The following XPA variants were observed in gnomAD, a reference collection of about 807,000 sequenced individuals.
The protein encoded by XPA is XPA, DNA damage recognition and repair factor, also known as DNA repair protein complementing XP-A cells.
A neutral mutation model predicts 35.7 loss-of-function variants in XPA; 27 were observed. That is an observed-to-expected ratio of 0.76 (90% CI 0.56 to 1.04). The LOEUF is 1.04. XPA is among the 50% of genes least tolerant of loss of function. The probability of loss-of-function intolerance (pLI) is 0.00; values close to 1 mark genes in which losing one functional copy is unlikely to be tolerated. For synonymous variants in XPA, 133 were observed against 118.4 expected, an observed-to-expected ratio of 1.12 and a Z score of -0.80; for missense variants, 354 against 342.7, an observed-to-expected ratio of 1.03 and a Z score of -0.26.
At chr9:97,667,936 G>A in the XPA span, among the ~76,000 whole-genome samples, 3 of 152,174 alleles carry the variant, frequency 2.0e-5, no homozygotes, top group Admixed American at 6.5e-5. Context: ...AAGGACAGTC[G>A]TGTACCCACG....
intron 5 of XPA, among the ~76,000 whole-genome samples, chr9:97,681,413 G>C (rs1255985505): frequency 6.6e-6 from 1 of 152,142 alleles, no homozygotes; most frequent in Non-Finnish European, 1.5e-5. Flanking sequence ...TCTCTTGAGA[G>C]ATGACTCCAG....
In XPA at chr9:97,674,916, C is replaced by T. The variant is rs188107493; in HGVS notation, c.*523G>A. On this transcript the variant is annotated 3_prime_UTR_variant, in exon 6 of 6. Coordinates refer to ENST00000375128, the MANE Select transcript of XPA (RefSeq NM_000380.4). Reference sequence around the variant, plus strand: ...AGAGTACAGAAAACATGATCAGACTCGTACAACTCAATGTTTATTTCTGCT... The same window carrying T: ...AGAGTACAGAAAACATGATCAGACTTGTACAACTCAATGTTTATTTCTGCT... 1,058 of 507,452 alleles carry T rather than the reference C, an allele frequency of 2.1e-3. 9 individuals carry two copies. Among genetic ancestry groups the T allele is most frequent in the African/African-American group, 0.019 (976 of 52,516 alleles). The allele number at this position is 507,452 out of a possible 1,614,324, so 31.4% of individuals were successfully genotyped here. A position where few individuals can be genotyped will look rare whatever the true frequency, so the allele number is the denominator to read the frequency against.
intron 1 of XPA, 95 bp from the exon 2 acceptor site, chr9:97,693,854 C>A: frequency 1.8e-6 from 2 of 1,106,696 alleles, no homozygotes; most frequent in Admixed American, 1.9e-5. Flanking sequence ...TTCAATATAT[C>A]TCAAACAACA....
At chr9:97,687,295 T>G in intron 3 of XPA, 34 bp from the exon 4 acceptor site, 1 of 1,548,398 alleles carries the variant, frequency 6.5e-7, no homozygotes, top group Non-Finnish European at 8.7e-7. Context: ...TATAAATTAG[T>G]TATTTTAAAT....
At chr9:97,669,216 T>C in the XPA span, among the ~76,000 whole-genome samples, 2 of 152,166 alleles carry the variant, frequency 1.3e-5, no homozygotes, top group African/African-American at 4.8e-5. Flanking sequence ...GAAAAAAAAT[T>C]GTGGGTTGCT....
chr9:97,658,605 A>C, the XPA span: 1 of 1,509,120 alleles, frequency 6.6e-7, no homozygotes, highest in East Asian at 2.3e-5. Context: ...GGGACTGATA[A>C]AAGATATTTT....
At chr9:97,683,679 A>G (rs557758867) in intron 5 of XPA, among the ~76,000 whole-genome samples, 4 of 150,890 alleles carry the variant, frequency 2.7e-5, no homozygotes, top group African/African-American at 9.9e-5. Flanking sequence ...AAATCATGCA[A>G]TAAGAGCTCT....
chr9:97,659,893 T>G, the XPA span, among the ~76,000 whole-genome samples: 2 of 152,196 alleles, frequency 1.3e-5, no homozygotes, highest in Middle Eastern at 3.2e-3. Context: ...GGACCTCTAT[T>G]TCTGCCAGGT....
At chr9:97,655,983 C>A in the XPA span, 1 of 1,584,930 alleles carries the variant, frequency 6.3e-7, no homozygotes, top group Non-Finnish European at 8.7e-7. Context: ...TATATGTAAG[C>A]ATTGATAAAA....
chr9:97,672,208 C>T (rs1042497779), downstream of XPA: 9 of 152,054 alleles, frequency 5.9e-5, no homozygotes, highest in Non-Finnish European at 1.0e-4. Flanking sequence ...TTCCAAATTT[C>T]GAGGATTTTT....
intron 5 of XPA, among the ~76,000 whole-genome samples, chr9:97,681,214 A>G (rs1332482631): frequency 1.3e-5 from 2 of 152,132 alleles, no homozygotes; most frequent in Non-Finnish European, 2.9e-5. Flanking sequence ...TTTAAAAGAC[A>G]ACTAGCTGCG....
At chr9:97,692,626 A>G (rs932294620) in intron 2 of XPA, among the ~76,000 whole-genome samples, 2 of 152,218 alleles carry the variant, frequency 1.3e-5, no homozygotes, top group African/African-American at 4.8e-5. Context: ...AAACATTTAA[A>G]ATGTGCAGTT....
chr9:97,657,281 T>C, the XPA span, among the ~76,000 whole-genome samples: 4 of 152,192 alleles, frequency 2.6e-5, no homozygotes, highest in South Asian at 2.1e-4. Context: ...TGAAATCTTA[T>C]CCAGGTACAT....
At chr9:97,659,617 C>T in the XPA span, among the ~76,000 whole-genome samples, 3 of 152,266 alleles carry the variant, frequency 2.0e-5, no homozygotes, top group Non-Finnish European at 4.4e-5. Context: ...CAAATTCAGG[C>T]GTAGGTGCAC....
At position 97,688,293 on chromosome 9, in the gene XPA, C is replaced by T. The variant is rs187401911; in HGVS notation, c.390-1032G>A. ...TCCTGAACACGACCCCCTCCTTCCACTTTGACAGGCAGTGATGATGGCTTC... is the reference window on the plus strand; with the variant it reads ...TCCTGAACACGACCCCCTCCTTCCATTTTGACAGGCAGTGATGATGGCTTC... On this transcript the variant is annotated intron_variant, in intron 3 of 5. Transcript: ENST00000375128. Among the ~76,000 whole-genome samples, 227 of 152,308 alleles carry T rather than the reference C, an allele frequency of 1.5e-3. 1 individual carries two copies. Among genetic ancestry groups the T allele is most frequent in the African/African-American group, 5.3e-3 (222 of 41,554 alleles).
At chr9:97,675,688 C>G (rs1828341693) in intron 5 of XPA, 101 bp from the exon 6 acceptor site, 7 of 1,363,110 alleles carry the variant, frequency 5.1e-6, no homozygotes, top group Non-Finnish European at 7.3e-6. Flanking sequence ...GTGTGTGTGT[C>G]TATGTGTATT....
At chr9:97,692,359 C>G (rs1026650622) in intron 2 of XPA, among the ~76,000 whole-genome samples, 5 of 152,074 alleles carry the variant, frequency 3.3e-5, no homozygotes, top group African/African-American at 9.7e-5. Context: ...ATATTCCTAT[C>G]ACTGCCTTCC....
chr9:97,669,856 A>G, the XPA span: 5 of 709,686 alleles, frequency 7.0e-6, no homozygotes, highest in African/African-American at 8.8e-5. Flanking sequence ...ATTGCTCATC[A>G]GAATATTTAG....
chr9:97,669,786 T>C, the XPA span: 1 of 1,019,120 alleles, frequency 9.8e-7, no homozygotes, highest in Non-Finnish European at 1.5e-6. Context: ...CTTGTCAAAT[T>C]TGTTAGGAGG....
Sources: allele counts gnomAD v4.1 joint callset (sites outside exome capture counted in the v4.1 genomes callset), GRCh38; gene constraint gnomAD v4.1.1; transcripts MANE v1.5; gene names NCBI Gene and HGNC (gene_info 2026-07-23, HGNC 2026-07-21).